Variants in CCDC73 observed in about 807,000 individuals in gnomAD.
CCDC73 encodes the protein coiled-coil domain-containing protein 73.
In CCDC73, 95 loss-of-function variants were observed where a neutral mutation model predicts 116.5. That is an observed-to-expected ratio of 0.82 (90% CI 0.69 to 0.97). The LOEUF is 0.97. Ranked by LOEUF, CCDC73 falls within the 50% of genes least tolerant of loss-of-function variation. The probability of loss-of-function intolerance (pLI) is 0.00; values close to 1 mark genes in which losing one functional copy is unlikely to be tolerated. For missense variants in CCDC73, 1,066 were observed against 1,206.8 expected (o/e 0.88, Z 1.73); for synonymous variants, 398 against 401.3 (o/e 0.99, Z 0.10).
intron 3 of CCDC73, 52 bp downstream of exon 3, chr11:32,718,024 C>T: frequency 7.8e-7 from 1 of 1,286,636 alleles, no homozygotes; most frequent in Non-Finnish European, 1.1e-6. Flanking sequence ...ACGGGGATTA[C>T]AATTCAAGAT....
At chr11:32,720,574 C>T (rs534258105) in intron 2 of CCDC73, among the ~76,000 whole-genome samples, 1 of 152,104 alleles carries the variant, frequency 6.6e-6, no homozygotes, top group Admixed American at 6.6e-5. Context: ...AAAAATAAAA[C>T]TACCTCTATT....
At chr11:32,682,610 C>T (rs2133294637) in intron 7 of CCDC73, 2 of 151,920 alleles carry the variant, frequency 1.3e-5, no homozygotes, top group Admixed American at 1.3e-4. Context: ...TTACAGTCTG[C>T]TCCAAAGAAT....
chr11:32,696,660 T>A (rs181709689), intron 6 of CCDC73, among the ~76,000 whole-genome samples: 1 of 152,144 alleles, frequency 6.6e-6, no homozygotes, highest in African/African-American at 2.4e-5. Flanking sequence ...GGTCTTGAAC[T>A]CCTGGGCTCA....
chr11:32,701,554 A>T (rs920045676), intron 4 of CCDC73, among the ~76,000 whole-genome samples: 2 of 151,890 alleles, frequency 1.3e-5, no homozygotes, highest in East Asian at 1.9e-4. Flanking sequence ...TTTAAAAAAA[A>T]ATTTTTTTAA....
the CCDC73 span, among the ~76,000 whole-genome samples, chr11:32,801,132 A>C: frequency 6.6e-6 from 1 of 152,234 alleles, no homozygotes; most frequent in South Asian, 2.1e-4. Flanking sequence ...AAGGCTGGGT[A>C]GTCTAGTGAC....
chr11:32,819,266 A>G, the CCDC73 span, among the ~76,000 whole-genome samples: 1 of 151,968 alleles, frequency 6.6e-6, no homozygotes, highest in African/African-American at 2.4e-5. Context: ...CGATTTCCAT[A>G]CAGGACAAAC....
chr11:32,767,961 C>T (rs1267100676), intron 1 of CCDC73, among the ~76,000 whole-genome samples: 1 of 152,194 alleles, frequency 6.6e-6, no homozygotes. Context: ...ACCCAGCCAT[C>T]CCACTACTGG....
At position 32,613,992 on chromosome 11, in the gene CCDC73, G is replaced by A; in HGVS notation, c.2326C>T (p.His776Tyr). Residue 776 changes from histidine to tyrosine, a missense_variant, in exon 16 of 18, where the codon CAT becomes TAT. His to Tyr is a moderately conservative substitution (Grantham distance 83). Transcript: ENST00000335185. ...YLENTNVNIS[H>Y]LHLNNENSHA... ...CTATTCTCATTGTTAAGATGAAGATGGGAAATGTTCACATTAGTGTTTTCT... is the reference window on the plus strand; with the variant it reads ...CTATTCTCATTGTTAAGATGAAGATAGGAAATGTTCACATTAGTGTTTTCT... The A allele has an allele frequency of 6.2e-7, 1 of 1,610,790 alleles. No homozygotes were observed. The highest frequency in any genetic ancestry group is 8.5e-7 in the Non-Finnish European group (1 of 1,179,600).
At chr11:32,729,844 C>T (rs895262782) in intron 2 of CCDC73, among the ~76,000 whole-genome samples, 2 of 152,122 alleles carry the variant, frequency 1.3e-5, no homozygotes, top group African/African-American at 2.4e-5. Flanking sequence ...TATCTATTTG[C>T]TTATTTGTTC....
At chr11:32,709,180 A>T (rs1029767273) in intron 3 of CCDC73, among the ~76,000 whole-genome samples, 1 of 152,164 alleles carries the variant, frequency 6.6e-6, no homozygotes, top group African/African-American at 2.4e-5. Context: ...TTTCTTTTAA[A>T]TTCTGTTTAC....
At chr11:32,707,691 A>C (rs1849867129) in intron 3 of CCDC73, among the ~76,000 whole-genome samples, 1 of 142,096 alleles carries the variant, frequency 7.0e-6, no homozygotes, top group African/African-American at 2.5e-5. Context: ...GAAGTTTGTC[A>C]GAACAAAGCA....
intron 17 of CCDC73, chr11:32,605,316 T>TG (rs1855335127): frequency 6.6e-6 from 1 of 152,068 alleles, no homozygotes. Context: ...CTCTGATCTT[T>TG]GGGGTGATTC....
chr11:32,699,201 T>C (rs1849787121), intron 6 of CCDC73, 50 bp downstream of exon 6: 8 of 1,515,452 alleles, frequency 5.3e-6, no homozygotes, highest in African/African-American at 1.4e-5. Flanking sequence ...TTTACTGATA[T>C]AATGCTAAAA....
intron 14 of CCDC73, among the ~76,000 whole-genome samples, chr11:32,619,723 A>C (rs1453181041): frequency 6.6e-6 from 1 of 151,264 alleles, no homozygotes; most frequent in Non-Finnish European, 1.5e-5. Context: ...AGAGGAGGAG[A>C]AGGAGGAGAT....
At chr11:32,823,040 G>A in the CCDC73 span, among the ~76,000 whole-genome samples, 2 of 152,092 alleles carry the variant, frequency 1.3e-5, no homozygotes, top group Non-Finnish European at 2.9e-5. Context: ...GGCTGAGGTG[G>A]GAGGATCACT....
rs151249545 is a variant in CCDC73, at chr11:32,680,995, A to G, written c.429+2541T>C. The stretch of plus-strand genomic sequence containing the variant: ...AATATATGTGTGTACATATATACAT[A>G]ATATTTATGATTATGAAGTTACTTC... On this transcript the variant is annotated intron_variant, in intron 7 of 17. Transcript: ENST00000335185. 284 of 152,108 alleles carry G rather than the reference A, an allele frequency of 1.9e-3. 1 individual carries two copies. The highest frequency in any genetic ancestry group is 6.5e-3 in the African/African-American group (269 of 41,548). 9.4% of individuals were successfully genotyped at this position (152,108 alleles called of 1,614,324 possible).
In CCDC73 at chr11:32,613,613, A is replaced by C. The variant is rs370560446; in HGVS notation, c.2705T>G (p.Met902Arg). Residue 902 changes from methionine to arginine, a missense_variant, in exon 16 of 18, where the codon ATG becomes AGG. By Grantham distance (91) the Met-to-Arg change is moderately conservative. Coordinates refer to ENST00000335185, the MANE Select transcript of CCDC73 (RefSeq NM_001008391.4). ...DKKTEKTPVY[M>R]NFSDPGPWSK... is the part of the protein sequence containing the mutation. ...CCAAGGACCGGGGTCTGAAAAATTC[A>C]TGTATACTGGAGTTTTCTCAGTTTT... The C allele has an allele frequency of 1.2e-6, 2 of 1,614,146 alleles. No individual in the cohort carries two copies. Among genetic ancestry groups the C allele is most frequent in the Non-Finnish European group, 1.7e-6 (2 of 1,179,992 alleles).
chr11:32,653,210 G>A lies in CCDC73; in HGVS notation c.852C>T (p.Phe284=). ...QEEKQDIIIS[F]QHMQQLLRQQ... ...GCCGAAGTAACTGCTGCATATGTTG[G>A]AAAGAAATGATGATATCCTTTGAAA... The change falls in exon 12 of 18, where the codon TTC becomes TTT. Residue 284 remains phenylalanine (F), a synonymous_variant. Coordinates refer to ENST00000335185, the MANE Select transcript of CCDC73 (RefSeq NM_001008391.4). The A allele has an allele frequency of 6.2e-7, 1 of 1,607,826 alleles. No homozygotes were observed.
chr11:32,756,530 T>C (rs1010366098), intron 2 of CCDC73, among the ~76,000 whole-genome samples: 1 of 149,680 alleles, frequency 6.7e-6, no homozygotes, highest in African/African-American at 2.4e-5. Flanking sequence ...AAGTCCAAGA[T>C]AATTTATTAC....
Sources: gnomAD v4.1 joint callset for allele counts (sites outside exome capture counted in the v4.1 genomes callset) on GRCh38, gnomAD v4.1.1 for gene constraint, MANE v1.5 for transcripts, NCBI Gene and HGNC (gene_info 2026-07-23, HGNC 2026-07-21) for gene names.